SLC35D4: variants seen among roughly 807,000 people sequenced by gnomAD.
SLC35D4 encodes the protein solute carrier family 35 member D4, also known as UDP-N-acetylglucosamine transporter SLC35D4.
the SLC35D4 span, among the ~76,000 whole-genome samples, chr18:23,422,041 C>T: frequency 1.3e-5 from 2 of 152,082 alleles, no homozygotes; most frequent in Admixed American, 6.6e-5. Context: ...TCTCCCACTG[C>T]CTCTACATTG....
the SLC35D4 span, among the ~76,000 whole-genome samples, chr18:23,350,947 A>T: frequency 6.6e-6 from 1 of 152,142 alleles, no homozygotes; most frequent in South Asian, 2.1e-4. Context: ...ATATTTGGTC[A>T]ATTTTTAGGG....
the SLC35D4 span, among the ~76,000 whole-genome samples, chr18:23,375,412 T>G: frequency 1.3e-4 from 20 of 152,318 alleles, no homozygotes; most frequent in African/African-American, 4.8e-4. Flanking sequence ...GTGATATTTA[T>G]GTATGTTTAT....
At chr18:23,333,102 A>C in the SLC35D4 span, among the ~76,000 whole-genome samples, 1 of 152,230 alleles carries the variant, frequency 6.6e-6, no homozygotes, top group African/African-American at 2.4e-5. Flanking sequence ...CCTTCATAAA[A>C]AGCATAAGTA....
chr18:23,251,420 C>T, the SLC35D4 span, among the ~76,000 whole-genome samples: 2 of 152,076 alleles, frequency 1.3e-5, no homozygotes, highest in Admixed American at 6.5e-5. Context: ...CACTGTACTC[C>T]AGCTTGGGCA....
At chr18:23,437,038 C>A in the SLC35D4 span, among the ~76,000 whole-genome samples, 1 of 152,092 alleles carries the variant, frequency 6.6e-6, no homozygotes, top group Non-Finnish European at 1.5e-5. Context: ...TGGGGCCAGC[C>A]CAGAGTCCAG....
the SLC35D4 span, among the ~76,000 whole-genome samples, chr18:23,382,254 A>G: frequency 4.6e-5 from 7 of 151,518 alleles, no homozygotes; most frequent in Non-Finnish European, 5.9e-5. Context: ...AAAAAAAAAA[A>G]AAAAGAAAGA....
At chr18:23,243,619 T>C in the SLC35D4 span, among the ~76,000 whole-genome samples, 1 of 152,000 alleles carries the variant, frequency 6.6e-6, no homozygotes, top group Non-Finnish European at 1.5e-5. Context: ...ATGCCTGTAA[T>C]CCCAGCACTT....
chr18:23,351,101 T>C, the SLC35D4 span, among the ~76,000 whole-genome samples: 1 of 152,196 alleles, frequency 6.6e-6, no homozygotes. Flanking sequence ...GAATTATTAA[T>C]GCTATTAAAA....
chr18:23,273,099 T>C, the SLC35D4 span, among the ~76,000 whole-genome samples: 17 of 152,282 alleles, frequency 1.1e-4, no homozygotes, highest in African/African-American at 3.6e-4. Flanking sequence ...TTAGACCAAC[T>C]GGATGAAGAA....
chr18:23,362,484 AG>A, the SLC35D4 span, among the ~76,000 whole-genome samples: 1 of 152,200 alleles, frequency 6.6e-6, no homozygotes, highest in Non-Finnish European at 1.5e-5. Flanking sequence ...CTGTAATCTC[AG>A]CTACTTGGGA....
At chr18:23,239,102 TTTCA>T in the SLC35D4 span, among the ~76,000 whole-genome samples, 1 of 152,232 alleles carries the variant, frequency 6.6e-6, no homozygotes, top group African/African-American at 2.4e-5. Flanking sequence ...CTTTAAATGA[TTTCA>T]TTGTGAGCCT....
chr18:23,371,946 T>TTTTTTTTTTG, the SLC35D4 span, among the ~76,000 whole-genome samples: 2 of 27,104 alleles, frequency 7.4e-5, no homozygotes, highest in Non-Finnish European at 2.0e-4. Flanking sequence ...TTTTTTTTTT[T>TTTTTTTTTTG]TTTTTTTGAG....
chr18:23,332,770 A>T, the SLC35D4 span, among the ~76,000 whole-genome samples: 1 of 152,200 alleles, frequency 6.6e-6, no homozygotes, highest in African/African-American at 2.4e-5. Context: ...AAAAAAGCTA[A>T]CAGTAACTGC....
chr18:23,268,791 C>CGTGTGTGTGTGCGT, the SLC35D4 span, among the ~76,000 whole-genome samples: 1 of 144,014 alleles, frequency 6.9e-6, no homozygotes, highest in Non-Finnish European at 1.5e-5. Flanking sequence ...GCCTGCTGTG[C>CGTGTGTGTGTGCGT]GTGTGTGTGT....
At chr18:23,276,257 T>G in the SLC35D4 span, among the ~76,000 whole-genome samples, 2 of 151,982 alleles carry the variant, frequency 1.3e-5, no homozygotes, top group Non-Finnish European at 1.5e-5. Context: ...CCGGCTAATT[T>G]TTTTGTACTT....
chr18:23,361,103 CAAAAA>C, the SLC35D4 span, among the ~76,000 whole-genome samples: 2,976 of 94,110 alleles, frequency 0.032, 91 homozygotes, highest in African/African-American at 0.11. Flanking sequence ...GACTTTGTCT[CAAAAA>C]AAAAAAAAAA....
the SLC35D4 span, among the ~76,000 whole-genome samples, chr18:23,298,583 C>T: frequency 1.3e-5 from 2 of 152,178 alleles, no homozygotes; most frequent in African/African-American, 4.8e-5. Context: ...AGAAACATGG[C>T]CAGTGATCTG....
chr18:23,407,798 T>G, the SLC35D4 span, among the ~76,000 whole-genome samples: 1 of 152,210 alleles, frequency 6.6e-6, no homozygotes, highest in East Asian at 1.9e-4. Flanking sequence ...TATCTTTCCG[T>G]AGGATATGTA....
the SLC35D4 span, among the ~76,000 whole-genome samples, chr18:23,261,547 CAGG>C: frequency 6.6e-6 from 1 of 152,042 alleles, no homozygotes; most frequent in African/African-American, 2.4e-5. Flanking sequence ...CACCAGAGTC[CAGG>C]AGGTCAAGGC....
Sources: gnomAD v4.1 joint callset for allele counts (sites outside exome capture counted in the v4.1 genomes callset) on GRCh38, gnomAD v4.1.1 for gene constraint, MANE v1.5 for transcripts, NCBI Gene and HGNC (gene_info 2026-07-23, HGNC 2026-07-21) for gene names.